Variants in TBC1D31 observed in about 807,000 individuals in gnomAD.
TBC1D31 encodes TBC1 domain family member 31, also known as WD repeat domain 67.
A neutral mutation model predicts 132.9 loss-of-function variants in TBC1D31; 99 were observed. The ratio of observed to expected loss-of-function variants is 0.74; its 90% CI spans 0.63 to 0.88. TBC1D31 has a LOEUF of 0.88. Ranked by LOEUF, TBC1D31 falls within the 40% of genes least tolerant of loss-of-function variation. The probability of loss-of-function intolerance (pLI) is 0.00; values close to 1 mark genes in which losing one functional copy is unlikely to be tolerated. For missense variants in TBC1D31, 1,134 were observed against 1,256.6 expected, an observed-to-expected ratio of 0.90 and a Z score of 1.48; for synonymous variants, 385 against 419.4, an observed-to-expected ratio of 0.92 and a Z score of 1.00.
At chr8:123,151,013 GCTAA>G (rs1300173378) in intron 21 of TBC1D31, among the ~76,000 whole-genome samples, 1 of 152,098 alleles carries the variant, frequency 6.6e-6, no homozygotes, top group Non-Finnish European at 1.5e-5. Flanking sequence ...AAATATTTTT[GCTAA>G]CTCACATTTT....
In TBC1D31 at chr8:123,109,485, G is replaced by A. The variant is rs1420179184; in HGVS notation, c.1301G>A (p.Trp434Ter). The A allele has an allele frequency of 6.2e-7, 1 of 1,613,094 alleles. No individual in the cohort carries two copies. Among genetic ancestry groups the A allele is most frequent in the Middle Eastern group, 1.7e-4 (1 of 6,050 alleles). ...EYPTKYRMFI[W>*]RSLLQLPENH... ...TATTTTTATTTCAGAATGTTCATTTGGCGCTCTCTGCTACAACTGCCTGAA... is the reference window on the plus strand; with the variant it reads ...TATTTTTATTTCAGAATGTTCATTTAGCGCTCTCTGCTACAACTGCCTGAA... Residue 434 changes from tryptophan to a stop codon, truncating the protein, a stop_gained, in exon 10 of 22, where the codon TGG becomes TAG. Coordinates refer to ENST00000287380, the MANE Select transcript of TBC1D31 (RefSeq NM_145647.4). LOFTEE classifies it high-confidence loss of function.
At chr8:123,155,715 C>T (rs1360394533), downstream of TBC1D31, among the ~76,000 whole-genome samples, 1 of 152,164 alleles carries the variant, frequency 6.6e-6, no homozygotes, top group Non-Finnish European at 1.5e-5. This position sits in a 1 kb window ranked among gnomAD's most constrained non-coding sequence, Gnocchi z 4.1. Flanking sequence ...GAAGCAGTGC[C>T]ACATATACAT....
At chr8:123,161,198 C>T in the TBC1D31 span, among the ~76,000 whole-genome samples, 2 of 152,252 alleles carry the variant, frequency 1.3e-5, no homozygotes, top group Non-Finnish European at 2.9e-5. Context: ...GCCTTTGCAC[C>T]GGCAGCTCTA....
chr8:123,151,145 T>TGGTAACCTTAGGTTATTG (rs1245286943), intron 21 of TBC1D31, among the ~76,000 whole-genome samples: 1 of 152,230 alleles, frequency 6.6e-6, no homozygotes, highest in African/African-American at 2.4e-5. Flanking sequence ...AATGGTTATT[T>TGGTAACCTTAGGTTATTG]GGCAGCAAAA....
Position 123,093,718 on chromosome 8 carries a change from T to C in TBC1D31, c.647T>C (p.Leu216Ser). Residue 216 changes from leucine (L) to serine (S), a missense_variant, in exon 5 of 22, where the codon TTA becomes TCA. Leu to Ser is a moderately radical substitution (Grantham distance 145). Transcript: ENST00000287380. ...LPAPPESSSI[L>S]YKVFAVTRDG... Reference sequence around the variant, plus strand: ...GCTCCACCTGAAAGCTCTAGTATATTATACAAAGTGTTTGCTGTAACCAGG... The same window carrying C: ...GCTCCACCTGAAAGCTCTAGTATATCATACAAAGTGTTTGCTGTAACCAGG... 1 of 1,601,092 alleles carries C rather than the reference T, an allele frequency of 6.2e-7. No individual in the cohort carries two copies. Among genetic ancestry groups the C allele is most frequent in the Non-Finnish European group, 8.5e-7 (1 of 1,171,760 alleles).
chr8:123,131,791 C>T (rs1250037294), intron 16 of TBC1D31, among the ~76,000 whole-genome samples: 1 of 152,130 alleles, frequency 6.6e-6, no homozygotes, highest in African/African-American at 2.4e-5. Context: ...AGTACCCACT[C>T]CCTAGTATAG....
At chr8:123,107,922 A>G (rs1426069756) in intron 8 of TBC1D31, among the ~76,000 whole-genome samples, 1 of 152,214 alleles carries the variant, frequency 6.6e-6, no homozygotes, top group South Asian at 2.1e-4. Context: ...ATTGAGGCCA[A>G]ACTCCCCAGG....
the TBC1D31 span, among the ~76,000 whole-genome samples, chr8:123,159,204 G>T: frequency 6.6e-6 from 1 of 150,458 alleles, no homozygotes; most frequent in Non-Finnish European, 1.5e-5. Context: ...CCCAGGACTG[G>T]CAAGCTACCC....
chr8:123,142,113 A>T (rs13250325), intron 18 of TBC1D31, 149 bp from the exon 19 acceptor site: 12 of 483,490 alleles, frequency 2.5e-5, no homozygotes, highest in African/African-American at 2.4e-4. Flanking sequence ...CCCAGTCATC[A>T]GCTTATTTTA....
the TBC1D31 span, among the ~76,000 whole-genome samples, chr8:123,162,398 C>A: frequency 1.3e-5 from 2 of 152,038 alleles, no homozygotes; most frequent in African/African-American, 4.8e-5. Flanking sequence ...GAGAGTGATT[C>A]CTTTTCCCTT....
downstream of TBC1D31, among the ~76,000 whole-genome samples, chr8:123,157,140 G>T (rs922309459): frequency 6.6e-6 from 1 of 151,962 alleles, no homozygotes; most frequent in Non-Finnish European, 1.5e-5. Context: ...TCGCAGATAT[G>T]TCTTTTCCCC....
At chr8:123,159,230 C>T in the TBC1D31 span, among the ~76,000 whole-genome samples, 1 of 149,478 alleles carries the variant, frequency 6.7e-6, no homozygotes, top group African/African-American at 2.5e-5. Flanking sequence ...ATTAACTCAC[C>T]ACTTCCACAG....
intron 10 of TBC1D31, among the ~76,000 whole-genome samples, chr8:123,116,189 A>G (rs1234163485): frequency 6.6e-6 from 1 of 152,210 alleles, no homozygotes; most frequent in East Asian, 1.9e-4. Flanking sequence ...GTAATGAAGA[A>G]AAGATAGGTT....
downstream of TBC1D31, among the ~76,000 whole-genome samples, chr8:123,156,033 G>A (rs113767058): frequency 4.6e-5 from 7 of 152,126 alleles, no homozygotes; most frequent in African/African-American, 1.7e-4. Flanking sequence ...GACTCTCCTC[G>A]TTGGCACTAA....
At chr8:123,157,297 C>T in the TBC1D31 span, among the ~76,000 whole-genome samples, 1 of 152,144 alleles carries the variant, frequency 6.6e-6, no homozygotes, top group Non-Finnish European at 1.5e-5. Context: ...ACTGCGCTAA[C>T]GAGGCACCTA....
Position 123,093,743 on chromosome 8 carries a change from G to T in TBC1D31, c.671+1G>T. 6.4e-7 allele frequency: 1 copy of T among 1,560,898 alleles called. No individual in the cohort carries two copies. The highest frequency in any genetic ancestry group is 1.2e-5 in the South Asian group (1 of 80,874). On this transcript the variant is annotated splice_donor_variant, in intron 5 of 21. Transcript: ENST00000287380. LOFTEE classifies it high-confidence loss of function. ...TATACAAAGTGTTTGCTGTAACCAG[G>T]TAATGTGCATTTTAAGACACTAGGA...
the TBC1D31 span, among the ~76,000 whole-genome samples, chr8:123,163,940 T>C: frequency 6.6e-6 from 1 of 152,238 alleles, no homozygotes. Context: ...AGAAACTCTG[T>C]GCTCATTAAG....
intron 2 of TBC1D31, 79 bp from the exon 3 acceptor site, chr8:123,082,623 C>T (rs990063707): frequency 5.0e-6 from 5 of 994,800 alleles, no homozygotes; most frequent in South Asian, 3.1e-5. Context: ...TCATTTTCTT[C>T]GTCTCTACGG....
intron 4 of TBC1D31, 115 bp downstream of exon 4, chr8:123,084,455 T>C: frequency 6.8e-6 from 7 of 1,035,808 alleles, no homozygotes; most frequent in Non-Finnish European, 5.6e-6. Flanking sequence ...GCTCTGTAAC[T>C]CAGCAACAAG....
Sources: allele counts gnomAD v4.1 joint callset (sites outside exome capture counted in the v4.1 genomes callset), GRCh38; gene constraint gnomAD v4.1.1; non-coding constraint Gnocchi (gnomAD v3.1); transcripts MANE v1.5; gene names NCBI Gene and HGNC (gene_info 2026-07-23, HGNC 2026-07-21).